The following ADGRV1 variants were observed in gnomAD, a reference collection of about 807,000 sequenced individuals.
The protein encoded by ADGRV1 is adhesion G protein-coupled receptor V1, also known as G-protein coupled receptor 98.
Under a neutral mutation model 596.2 loss-of-function variants are expected in ADGRV1, and 359 were observed. The ratio of observed to expected loss-of-function variants is 0.60; its 90% CI spans 0.55 to 0.66. ADGRV1 has a LOEUF of 0.66. Among genes scored for constraint, ADGRV1 ranks in the 30% least tolerant of loss-of-function variants. The pLI, the probability that ADGRV1 is intolerant of heterozygous loss-of-function variation, is 0.00. For synonymous variants in ADGRV1, 2,681 were observed against 2,679.2 expected, an observed-to-expected ratio of 1.00 and a Z score of -0.02; for missense variants, 7,274 against 7,575.6, an observed-to-expected ratio of 0.96 and a Z score of 1.48.
At chr5:91,025,462 C>A (rs1220314073) in intron 85 of ADGRV1, among the ~76,000 whole-genome samples, 4 of 151,918 alleles carry the variant, frequency 2.6e-5, no homozygotes, top group African/African-American at 7.3e-5. Flanking sequence ...AAATCAATGA[C>A]CTTTGTGGAC....
intron 87 of ADGRV1, among the ~76,000 whole-genome samples, chr5:91,115,745 G>A (rs1792791471): frequency 1.3e-5 from 2 of 152,126 alleles, no homozygotes; most frequent in South Asian, 4.1e-4. Context: ...TCAGGAGCTC[G>A]AGGCCAGTCT....
chr5:90,694,078 C>T lies in ADGRV1; in HGVS notation c.7322C>T (p.Thr2441Ile). 6.2e-7 allele frequency: 1 copy of T among 1,613,840 alleles called. No homozygotes were observed. The highest frequency in any genetic ancestry group is 8.5e-7 in the Non-Finnish European group (1 of 1,179,848). The change falls in exon 33 of 90, where the codon ACT (threonine) becomes ATT (isoleucine). Residue 2441 changes from threonine to isoleucine, a missense_variant. By Grantham distance (89) the Thr-to-Ile change is moderately conservative. This residue lies in a region of ADGRV1 where 3,643 missense variants were observed against 3,809.2 expected (regional missense o/e 0.96). Transcript: ENST00000405460. ...GGGGAGCCCCTGTATACCTGTGCCA[C>T]TTTGTGCCTTAAGGAACAAGCTTGC... ...AVGEPLYTCA[T>I]LCLKEQACSA... is the part of the protein sequence containing the mutation.
chr5:91,001,832 C>T (rs1348986926), intron 85 of ADGRV1, among the ~76,000 whole-genome samples: 10 of 151,998 alleles, frequency 6.6e-5, no homozygotes, highest in Non-Finnish European at 2.9e-5. Context: ...GTCTTTCTAT[C>T]TCACACATTT....
chr5:90,806,262 C>T (rs1251548606), intron 72 of ADGRV1, among the ~76,000 whole-genome samples: 2 of 152,218 alleles, frequency 1.3e-5, no homozygotes, highest in South Asian at 2.1e-4. Context: ...TAACAGGAAT[C>T]CCAGAAAACA....
chr5:90,990,796 C>T (rs1309052767), intron 85 of ADGRV1, among the ~76,000 whole-genome samples: 2 of 152,110 alleles, frequency 1.3e-5, no homozygotes, highest in South Asian at 2.1e-4. Context: ...ATTGGTTACC[C>T]GAAGTAACTC....
At chr5:90,783,014 A>C in intron 65 of ADGRV1, 110 bp from the exon 66 acceptor site, 1 of 796,116 alleles carries the variant, frequency 1.3e-6, no homozygotes. Context: ...ATGAAAACAT[A>C]GAGTGCTTAC....
chr5:90,762,933 TGTCCTCTTCTAG>T (rs1756664333), intron 58 of ADGRV1: 1 of 160,318 alleles, frequency 6.2e-6, no homozygotes, highest in Admixed American at 6.1e-5. Context: ...CTTGGGGTTA[TGTCCTCTTCTAG>T]GTCCTGGGCC....
chr5:90,861,419 C>T (rs981499926), intron 82 of ADGRV1, among the ~76,000 whole-genome samples: 1 of 151,952 alleles, frequency 6.6e-6, no homozygotes, highest in African/African-American at 2.4e-5. Flanking sequence ...AAGCGATTCT[C>T]CTGCCTCAGC....
At chr5:90,610,152 G>C (rs1762565349) in intron 1 of ADGRV1, among the ~76,000 whole-genome samples, 1 of 151,830 alleles carries the variant, frequency 6.6e-6, no homozygotes, top group African/African-American at 2.4e-5. Flanking sequence ...TCATTTATTT[G>C]AGTCAAGATG....
At chr5:90,959,398 T>C (rs1219715552) in intron 83 of ADGRV1, among the ~76,000 whole-genome samples, 2 of 152,102 alleles carry the variant, frequency 1.3e-5, no homozygotes, top group African/African-American at 2.4e-5. Flanking sequence ...CAAGAGTGGA[T>C]ATTGTTAATA....
intron 50 of ADGRV1, among the ~76,000 whole-genome samples, chr5:90,731,887 AAC>A (rs1255487180): frequency 6.6e-6 from 1 of 152,222 alleles, no homozygotes; most frequent in Non-Finnish European, 1.5e-5. Context: ...ATTTTTAAAA[AAC>A]ACTTTCTAAA....
At chr5:91,045,124 C>T (rs1367978189) in intron 85 of ADGRV1, among the ~76,000 whole-genome samples, 2 of 152,014 alleles carry the variant, frequency 1.3e-5, no homozygotes, top group Non-Finnish European at 2.9e-5. Flanking sequence ...GAAGAATTGG[C>T]ACCATTACTG....
At chr5:90,999,308 A>C (rs563809218) in intron 85 of ADGRV1, among the ~76,000 whole-genome samples, 1 of 151,974 alleles carries the variant, frequency 6.6e-6, no homozygotes, top group Non-Finnish European at 1.5e-5. Context: ...TGCTAATTCA[A>C]TTTTCCATCT....
intron 85 of ADGRV1, among the ~76,000 whole-genome samples, chr5:91,056,379 C>T (rs538956339): frequency 2.0e-5 from 3 of 152,178 alleles, no homozygotes; most frequent in South Asian, 2.1e-4. Flanking sequence ...CTTTGGAGCT[C>T]GGTCCAACCA....
At chr5:91,011,397 G>A (rs966552372) in intron 85 of ADGRV1, among the ~76,000 whole-genome samples, 7 of 151,970 alleles carry the variant, frequency 4.6e-5, no homozygotes, top group Middle Eastern at 6.8e-3. Flanking sequence ...TCACAGTTGT[G>A]TGTCTGTTTC....
At chr5:90,695,739 T>C (rs1270584524) in intron 33 of ADGRV1, among the ~76,000 whole-genome samples, 1 of 152,058 alleles carries the variant, frequency 6.6e-6, no homozygotes, top group Non-Finnish European at 1.5e-5. Flanking sequence ...TATAAAATAT[T>C]TTTATTATGG....
chr5:90,645,297 T>G, intron 15 of ADGRV1, among the ~76,000 whole-genome samples: 1 of 152,162 alleles, frequency 6.6e-6, no homozygotes, highest in South Asian at 2.1e-4. Flanking sequence ...GAAGTGAACC[T>G]TTCCTAGGAG....
chr5:90,579,495 T>G (rs895741209), intron 1 of ADGRV1, among the ~76,000 whole-genome samples: 4 of 152,228 alleles, frequency 2.6e-5, no homozygotes, highest in African/African-American at 9.7e-5. Context: ...TTCTGTTCTT[T>G]TACATTTGCT....
rs745315373 is a variant in ADGRV1, at chr5:90,614,667, ACTTCTGTCGTC to A, written c.23-167_23-157del. On this transcript the variant is annotated intron_variant, in intron 1 of 89. Transcript: ENST00000405460. ...GTAAGAATAGAATCGTGTTTTTTTA[ACTTCTGTCGTC>A]ACATATTTGAGTTTGATGGCTTAAT... 33 of 681,686 alleles carry A rather than the reference ACTTCTGTCGTC, an allele frequency of 4.8e-5. 1 individual carries two copies. In the South Asian group the frequency reaches 5.0e-4, roughly 10 times the overall value. The allele number at this position is 681,686 out of a possible 1,614,324, so 42.2% of individuals were successfully genotyped here.
Sources: gnomAD v4.1 joint callset for allele counts (sites outside exome capture counted in the v4.1 genomes callset) on GRCh38, gnomAD v4.1.1 for gene constraint, gnomAD v4.1.1 regional missense constraint, MANE v1.5 for transcripts, NCBI Gene and HGNC (gene_info 2026-07-23, HGNC 2026-07-21) for gene names.